Variants in LAMA5 observed in about 807,000 individuals in gnomAD.
LAMA5 encodes the protein laminin subunit alpha 5.
LAMA5 carries 260 observed loss-of-function variants against 433.4 expected under a neutral mutation model. That is an observed-to-expected ratio of 0.60 (90% CI 0.54 to 0.66). The LOEUF (loss-of-function observed/expected upper bound fraction) is 0.66. LAMA5 is among the 30% of genes least tolerant of loss of function. LAMA5 has a pLI of 0.00. For synonymous variants in LAMA5, 2,620 were observed against 2,226.6 expected (o/e 1.18, Z -4.97); for missense variants, 5,378 against 5,258.5 (o/e 1.02, Z -0.70).
intron 32 of LAMA5, 83 bp downstream of exon 32, chr20:62,329,694 C>G: frequency 7.2e-6 from 11 of 1,538,000 alleles, no homozygotes; most frequent in Non-Finnish European, 9.7e-6. Context: ...CCAGAAGAGA[C>G]AGACCCAGCC....
At chr20:62,312,558 A>G (rs1441623602) in intron 67 of LAMA5, 26 bp from the exon 68 acceptor site, 4 of 1,599,156 alleles carry the variant, frequency 2.5e-6, no homozygotes, top group South Asian at 1.1e-5. Context: ...GATGCGGGTC[A>G]GGGCGCCACC....
rs766523334 is a variant in LAMA5, at chr20:62,317,354, T to C, written c.7502A>G (p.Asn2501Ser). Residue 2501 changes from asparagine (N) to serine (S), a missense_variant, in exon 55 of 80, where the codon AAT (asparagine) becomes AGT (serine). By Grantham distance (46) the Asn-to-Ser change is conservative (BLOSUM62 1). Transcript: ENST00000252999. ...HAQQLGQLAL[N>S]LSSIILDVNQ... Reference sequence around the variant, plus strand: ...TCTCCTGGCCACCCACCTGGACAGATTGAGTGCCAGCTGGCCCAGCTGCTG... The same window carrying C: ...TCTCCTGGCCACCCACCTGGACAGACTGAGTGCCAGCTGGCCCAGCTGCTG... 1.5e-5 allele frequency: 24 copies of C among 1,607,372 alleles called. No individual in the cohort carries two copies. The highest frequency in any genetic ancestry group is 2.2e-5 in the South Asian group (2 of 90,602).
intron 25 of LAMA5, 37 bp downstream of exon 25, chr20:62,333,338 G>A: frequency 6.2e-7 from 1 of 1,603,520 alleles, no homozygotes; most frequent in Non-Finnish European, 8.5e-7. Context: ...GGTCCAGGAA[G>A]CCCCCACCCC....
At position 62,323,557 on chromosome 20, in the gene LAMA5, G is replaced by A. The variant is rs372380218; in HGVS notation, c.5963C>T (p.Thr1988Met). The change falls in exon 45 of 80, where the codon ACG (threonine) becomes ATG (methionine). Residue 1988 changes from threonine (T) to methionine (M), a missense_variant. Coordinates refer to ENST00000252999, the MANE Select transcript of LAMA5 (RefSeq NM_005560.6). Reference sequence around the variant, plus strand: ...GCGCAGGCAGCCACGGCAGGCGCCCGTCAGGGGGTCGCAGTCGCTGAAGAG... The same window carrying A: ...GCGCAGGCAGCCACGGCAGGCGCCCATCAGGGGGTCGCAGTCGCTGAAGAG... ...NLLFSDCDPL[T>M]GACRGCLRHT... The A allele has an allele frequency of 4.8e-5, 77 of 1,598,226 alleles. No individual in the cohort carries two copies. The highest frequency in any genetic ancestry group is 2.6e-4 in the South Asian group (23 of 88,858).
intron 16 of LAMA5, chr20:62,337,060 A>G: frequency 1.5e-6 from 1 of 649,884 alleles, no homozygotes; most frequent in Non-Finnish European, 2.9e-6. Flanking sequence ...TGTGTGACAC[A>G]CGTCTGAACA....
chr20:62,313,464 T>C lies in LAMA5; in HGVS notation c.8659-4A>G. On this transcript the variant is annotated splice_polypyrimidine_tract_variant and splice_region_variant and intron_variant, in intron 63 of 79. Transcript: ENST00000252999. ...GGAAGCGAAGCAGGGGAGGGGGCTG[T>C]GGGCACAGGGCTGGGTCAGGGCACC... 1 of 1,601,116 alleles carries C rather than the reference T, an allele frequency of 6.2e-7. No homozygotes were observed. Among genetic ancestry groups the C allele is most frequent in the Non-Finnish European group, 8.5e-7 (1 of 1,174,652 alleles).
rs1984373693 is a variant in LAMA5 at position 62,351,919 on chromosome 20, A to G, written c.848T>C (p.Val283Ala). The change falls in exon 5 of 80, where the codon GTC becomes GCC. Residue 283 changes from valine (V) to alanine (A), a missense_variant. Coordinates refer to ENST00000252999, the MANE Select transcript of LAMA5 (RefSeq NM_005560.6). ...LMGKALRDPT[V>A]TRRYYYSIKD... ...CCATGGGCAGCTCACCCGGCGGGTG[A>G]CCGTGGGGTCCCGCAGCGCCTTCCC... is the stretch of plus-strand genomic sequence containing the variant. The G allele has an allele frequency of 6.2e-7, 1 of 1,605,244 alleles. No individual in the cohort carries two copies. Among genetic ancestry groups the G allele is most frequent in the African/African-American group, 1.3e-5 (1 of 74,726 alleles).
At chr20:62,331,644 T>C (rs1375186410) in intron 28 of LAMA5, among the ~76,000 whole-genome samples, 1 of 152,172 alleles carries the variant, frequency 6.6e-6, no homozygotes, top group East Asian at 1.9e-4. Flanking sequence ...AAGCCGCAAA[T>C]GGGTGCTCCC....
chr20:62,346,354 G>A (rs916417302), intron 9 of LAMA5, 139 bp from the exon 10 acceptor site: 16 of 1,376,562 alleles, frequency 1.2e-5, no homozygotes, highest in Admixed American at 6.4e-5. Context: ...GGACATGAGG[G>A]CTGGGGACCC....
chr20:62,325,803 A>C (rs913698611), intron 40 of LAMA5, among the ~76,000 whole-genome samples: 1 of 152,228 alleles, frequency 6.6e-6, no homozygotes, highest in South Asian at 2.1e-4. Flanking sequence ...CTTCTAGAAG[A>C]AAACATAGGC....
chr20:62,311,816 T>TGGCCCCCCCC, intron 70 of LAMA5, 32 bp from the exon 71 acceptor site: 3 of 1,520,988 alleles, frequency 2.0e-6, no homozygotes, highest in Non-Finnish European at 2.7e-6. Context: ...GCTCGGTTTT[T>TGGCCCCCCCC]CCCCACCCTG....
chr20:62,342,211 G>A (rs559622600), intron 11 of LAMA5: 10 of 276,080 alleles, frequency 3.6e-5, no homozygotes, highest in South Asian at 2.7e-4. Flanking sequence ...ACTGAGGCAG[G>A]AGAATCGCTT....
Position 62,310,933 on chromosome 20 carries a change from C to G in LAMA5, c.10250G>C (p.Arg3417Pro), listed in dbSNP as rs370379527. The G allele has an allele frequency of 1.9e-6, 3 of 1,610,808 alleles. No homozygotes were observed. The highest frequency in any genetic ancestry group is 2.2e-5 in the South Asian group (2 of 90,970). The change falls in exon 74 of 80, where the codon CGC (arginine) becomes CCC (proline). Residue 3417 changes from arginine to proline, a missense_variant. Transcript: ENST00000252999. ...GLGTRLRAQSRQRSRPGRWHK... is the reference protein window; with the variant it reads ...GLGTRLRAQSPQRSRPGRWHK... ...CCAGCGGCCAGGCCGGGAGCGCTGGCGGCTCTGGGCGCGGAGCCGAGTCCC... is the reference window on the plus strand; with the variant it reads ...CCAGCGGCCAGGCCGGGAGCGCTGGGGGCTCTGGGCGCGGAGCCGAGTCCC...
intron 59 of LAMA5, 37 bp downstream of exon 59, chr20:62,314,991 G>A (rs761988862): frequency 8.9e-6 from 14 of 1,576,968 alleles, no homozygotes; most frequent in East Asian, 2.2e-5. Context: ...CACCGTGCCC[G>A]CCTCCATCAG....
At chr20:62,313,304 C>CGGGGA in intron 64 of LAMA5, 23 bp downstream of exon 64, 1 of 1,515,512 alleles carries the variant, frequency 6.6e-7, no homozygotes, top group East Asian at 2.5e-5. Context: ...TGGGTGGAGA[C>CGGGGA]GGGGAGGGCA....
At chr20:62,358,640 C>T (rs1231421184) in intron 2 of LAMA5, among the ~76,000 whole-genome samples, 1 of 152,146 alleles carries the variant, frequency 6.6e-6, no homozygotes, top group African/African-American at 2.4e-5. Flanking sequence ...TGCGGTGCTC[C>T]TCCCATTTAC....
intron 16 of LAMA5, 23 bp from the exon 17 acceptor site, chr20:62,336,809 C>G: frequency 6.2e-7 from 1 of 1,610,820 alleles, no homozygotes; most frequent in Non-Finnish European, 8.5e-7. Flanking sequence ...GACCATGCCT[C>G]GGTCATTTCC....
chr20:62,312,717 C>T lies in LAMA5; in HGVS notation c.9142G>A (p.Val3048Met). Residue 3048 changes from valine to methionine, a missense_variant, in exon 67 of 80, where the codon GTG becomes ATG. Transcript: ENST00000252999. ...TCATTGTCCTGCTCCACGCTGTACACCGTGGCCCGCTCCACACGCACCAGC... is the reference window on the plus strand; with the variant it reads ...TCATTGTCCTGCTCCACGCTGTACATCGTGGCCCGCTCCACACGCACCAGC... ...RVLVRVERAT[V>M]YSVEQDNDLE... 1 of 1,599,728 alleles carries T rather than the reference C, an allele frequency of 6.3e-7. No individual in the cohort carries two copies. The highest frequency in any genetic ancestry group is 1.7e-5 in the Admixed American group (1 of 58,162).
At chr20:62,319,260 T>C in intron 51 of LAMA5, 1 of 554,742 alleles carries the variant, frequency 1.8e-6, no homozygotes, top group Non-Finnish European at 3.2e-6. Flanking sequence ...CTGAGCCTTC[T>C]CGTCCTGCCC....
Sources: gnomAD v4.1 joint callset for allele counts (sites outside exome capture counted in the v4.1 genomes callset) on GRCh38, gnomAD v4.1.1 for gene constraint, MANE v1.5 for transcripts, NCBI Gene and HGNC (gene_info 2026-07-23, HGNC 2026-07-21) for gene names.